DOCK1: variants seen among roughly 807,000 people sequenced by gnomAD.
The protein encoded by DOCK1 is dedicator of cytokinesis protein 1.
DOCK1 carries 138 observed loss-of-function variants against 262.7 expected under a neutral mutation model. The ratio of observed to expected loss-of-function variants is 0.53; its 90% CI spans 0.46 to 0.61. The LOEUF (loss-of-function observed/expected upper bound fraction) is 0.61. Among genes scored for constraint, DOCK1 ranks in the 20% least tolerant of loss-of-function variants. DOCK1 has a pLI of 0.00. For synonymous variants in DOCK1, 866 were observed against 867.4 expected (o/e 1.00, Z 0.03); for missense variants, 1,908 against 2,370.7 (o/e 0.80, Z 4.05).
chr10:127,117,043 A>G lies in DOCK1; in HGVS notation c.2623+6689A>G, dbSNP rs540774141. 2.0e-5 allele frequency among the ~76,000 whole-genome samples: 3 copies of G among 152,268 alleles called. No homozygotes were observed. The South Asian group carries it at 6.2e-4, about 32-fold the overall frequency. ...TATCATTCTCTGTCTTTCATTATATATGTTTTTGAAAAGACCATTTGTTAT... is the reference window on the plus strand; with the variant it reads ...TATCATTCTCTGTCTTTCATTATATGTGTTTTTGAAAAGACCATTTGTTAT... On this transcript the variant is annotated intron_variant, in intron 25 of 51. Coordinates refer to ENST00000623213, the MANE Select transcript of DOCK1 (RefSeq NM_001290223.2).
intron 1 of DOCK1, among the ~76,000 whole-genome samples, chr10:126,967,547 C>CAG (rs1199477587): frequency 0.54 from 82,052 of 151,510 alleles, 23,393 homozygotes; most frequent in African/African-American, 0.71. Flanking sequence ...GCCACAAACT[C>CAG]GGGCTAAGAT....
At chr10:127,297,127 C>T (rs186316754) in intron 29 of DOCK1, among the ~76,000 whole-genome samples, 4 of 152,180 alleles carry the variant, frequency 2.6e-5, no homozygotes, top group Middle Eastern at 3.4e-3. Flanking sequence ...TTGATTTGCC[C>T]GCAAGCTAGT....
Position 127,082,112 on chromosome 10 carries a change from G to A in DOCK1, c.2445+20336G>A, listed in dbSNP as rs371123404. ...TCTATTACCATGAATGACTGTTGGC[G>A]CCTCAGGCTGGGGAAGGTTAATTGT... On this transcript the variant is annotated intron_variant, in intron 23 of 51. Coordinates refer to ENST00000623213, the MANE Select transcript of DOCK1 (RefSeq NM_001290223.2). 3.3e-5 allele frequency among the ~76,000 whole-genome samples: 5 copies of A among 152,276 alleles called. No individual in the cohort carries two copies. In the South Asian group the frequency reaches 6.2e-4, roughly 19 times the overall value.
At chr10:127,091,617 G>A (rs1379521416) in intron 23 of DOCK1, among the ~76,000 whole-genome samples, 1 of 152,196 alleles carries the variant, frequency 6.6e-6, no homozygotes, top group East Asian at 1.9e-4. Flanking sequence ...AGGGAGAAGG[G>A]GAATGCTTGA....
At chr10:127,094,044 C>A (rs2047750630) in intron 23 of DOCK1, among the ~76,000 whole-genome samples, 1 of 152,034 alleles carries the variant, frequency 6.6e-6, no homozygotes, top group Non-Finnish European at 1.5e-5. Flanking sequence ...CACATTATTC[C>A]TAAAGTTCCT....
chr10:127,064,413 G>A (rs2045727493), intron 23 of DOCK1, among the ~76,000 whole-genome samples: 1 of 152,214 alleles, frequency 6.6e-6, no homozygotes, highest in Non-Finnish European at 1.5e-5. Context: ...AACTTCAGAA[G>A]TAATTTATTG....
In DOCK1 at chr10:126,948,797, C is replaced by T. The variant is rs1207203099; in HGVS notation, c.47-21905C>T. ...TTGTGAGCTGCTCTGATCCTTTGGG[C>T]TGGATTTTCCATCCTCTCCCTCAAA... On this transcript the variant is annotated intron_variant, in intron 1 of 51. Transcript: ENST00000623213. Among the ~76,000 whole-genome samples the T allele has an allele frequency of 2.6e-5, 4 of 152,170 alleles. No homozygotes were observed. In the South Asian group the frequency reaches 6.3e-4, roughly 24 times the overall value.
intron 1 of DOCK1, among the ~76,000 whole-genome samples, chr10:126,947,787 G>GGTA (rs2035644203): frequency 7.1e-5 from 7 of 98,082 alleles, no homozygotes; most frequent in Admixed American, 9.6e-5. Context: ...TGATGGTGGT[G>GGTA]GTTGGTAGTA....
intron 47 of DOCK1, among the ~76,000 whole-genome samples, chr10:127,432,765 C>T (rs1391464165): frequency 6.6e-6 from 1 of 152,166 alleles, no homozygotes. Context: ...TTCACCTACT[C>T]AGTGGCTTCA....
intron 1 of DOCK1, among the ~76,000 whole-genome samples, chr10:126,917,332 G>A (rs895034747): frequency 2.0e-5 from 3 of 152,210 alleles, no homozygotes; most frequent in Admixed American, 1.3e-4. Flanking sequence ...ATGAACTGTC[G>A]ATGTTGTATT....
chr10:127,102,377 G>T (rs1022918050), intron 23 of DOCK1, among the ~76,000 whole-genome samples: 1 of 152,184 alleles, frequency 6.6e-6, no homozygotes, highest in Non-Finnish European at 1.5e-5. Context: ...TCTGACAGGT[G>T]CAGAATACTT....
rs1361321217 is a variant in DOCK1, at chr10:127,248,085, T to C, written c.2925T>C (p.Phe975=). The part of the protein sequence containing the change: ...DYHYAHLIKT[F]GKMRTDVVDF... ...ATTATGCCCACTTGATCAAGACTTT[T>C]GGGAAAATGAGGACTGATGTGGTAG... is the stretch of plus-strand genomic sequence containing the variant. Residue 975 remains phenylalanine, a synonymous_variant, in exon 28 of 52, where the codon TTT becomes TTC. Transcript: ENST00000623213. The C allele has an allele frequency of 4.3e-6, 7 of 1,613,872 alleles. No homozygotes were observed. The highest frequency in any genetic ancestry group is 5.9e-6 in the Non-Finnish European group (7 of 1,179,894).
intron 29 of DOCK1, among the ~76,000 whole-genome samples, chr10:127,280,036 T>TATATATAAAAA: frequency 1.3e-5 from 1 of 79,418 alleles, no homozygotes; most frequent in East Asian, 4.2e-4. Context: ...ATATATATAA[T>TATATATAAAAA]TTTTTTTTTT....
intron 1 of DOCK1, among the ~76,000 whole-genome samples, chr10:126,910,346 G>C (rs1238410711): frequency 6.6e-6 from 1 of 152,240 alleles, no homozygotes; most frequent in African/African-American, 2.4e-5. Context: ...CACCTCTGTG[G>C]ATGCAGGTAG....
intron 1 of DOCK1, among the ~76,000 whole-genome samples, chr10:126,953,535 G>A (rs961758634): frequency 3.3e-5 from 5 of 151,654 alleles, no homozygotes; most frequent in African/African-American, 1.2e-4. Flanking sequence ...ACTGCTGATG[G>A]TGGTGGTGGT....
Position 127,126,406 on chromosome 10 carries a change from A to C in DOCK1, c.2751+805A>C, listed in dbSNP as rs192572213. ...TATTCCTTTTGCATTTCTAAATTGTATGCTTCTTTCAGGGACTTTTTTAAA... is the reference window on the plus strand; with the variant it reads ...TATTCCTTTTGCATTTCTAAATTGTCTGCTTCTTTCAGGGACTTTTTTAAA... On this transcript the variant is annotated intron_variant, in intron 26 of 51. Transcript: ENST00000623213. Among the ~76,000 whole-genome samples the C allele has an allele frequency of 2.6e-4, 39 of 148,652 alleles. No individual in the cohort carries two copies. In the East Asian group the frequency reaches 5.3e-3, roughly 20 times the overall value.
chr10:127,053,583 A>G (rs2044905810), intron 22 of DOCK1, among the ~76,000 whole-genome samples: 1 of 152,198 alleles, frequency 6.6e-6, no homozygotes, highest in Non-Finnish European at 1.5e-5. Flanking sequence ...TTTAAAGTAA[A>G]TCGAAGGGTT....
intron 10 of DOCK1, 153 bp downstream of exon 10, chr10:127,000,460 G>A (rs1270818452): frequency 1.7e-6 from 2 of 1,158,436 alleles, no homozygotes; most frequent in Admixed American, 2.9e-5. Flanking sequence ...TATTTTCATT[G>A]TGGCTTCAAG....
intron 25 of DOCK1, among the ~76,000 whole-genome samples, chr10:127,110,991 G>A (rs888671081): frequency 5.9e-5 from 9 of 152,164 alleles, no homozygotes; most frequent in African/African-American, 2.2e-4. Context: ...GGAGGCAAAT[G>A]TGAAGTCTGT....
Sources: gnomAD v4.1 joint callset for allele counts (sites outside exome capture counted in the v4.1 genomes callset) on GRCh38, gnomAD v4.1.1 for gene constraint, MANE v1.5 for transcripts, NCBI Gene and HGNC (gene_info 2026-07-23, HGNC 2026-07-21) for gene names.